The following CATSPERE variants were observed in gnomAD, a reference collection of about 807,000 sequenced individuals.
The protein encoded by CATSPERE is cation channel sperm-associated auxiliary subunit epsilon.
A neutral mutation model predicts 114.1 loss-of-function variants in CATSPERE; 93 were observed. The observed-to-expected ratio is 0.81, with a 90% CI of 0.69 to 0.97. CATSPERE has a LOEUF of 0.97. Among genes scored for constraint, CATSPERE ranks in the 50% least tolerant of loss-of-function variants. The pLI is 0.00. For synonymous variants in CATSPERE, 341 were observed against 384.1 expected (o/e 0.89, Z 1.31); for missense variants, 1,058 against 1,131.6 (o/e 0.93, Z 0.93).
intron 11 of CATSPERE, among the ~76,000 whole-genome samples, chr1:244,577,422 T>C (rs1189950894): frequency 6.6e-6 from 1 of 152,224 alleles, no homozygotes; most frequent in Admixed American, 6.5e-5. Context: ...AGAAACTGTT[T>C]GAAATCTATC....
At chr1:244,557,081 G>C (rs961220077) in intron 9 of CATSPERE, among the ~76,000 whole-genome samples, 1 of 152,082 alleles carries the variant, frequency 6.6e-6, no homozygotes, top group Non-Finnish European at 1.5e-5. Flanking sequence ...GTTGGCCTAT[G>C]TGTCTATTTT....
At chr1:244,515,473 TC>T in intron 7 of CATSPERE, 5 of 227,480 alleles carry the variant, frequency 2.2e-5, no homozygotes, top group Non-Finnish European at 3.6e-5. Context: ...TCTAATTAGA[TC>T]CTCAGATCTA....
chr1:244,483,210 C>T (rs1031753929), intron 5 of CATSPERE, among the ~76,000 whole-genome samples: 1 of 152,194 alleles, frequency 6.6e-6, no homozygotes, highest in Non-Finnish European at 1.5e-5. Flanking sequence ...TGAAGAACGT[C>T]AGGCCTCATT....
chr1:244,471,961 T>C (rs1668540083), intron 2 of CATSPERE, among the ~76,000 whole-genome samples: 1 of 152,172 alleles, frequency 6.6e-6, no homozygotes, highest in Non-Finnish European at 1.5e-5. Context: ...AGTTTTCTTC[T>C]TTTTCTTTTC....
At position 244,581,788 on chromosome 1, in the gene CATSPERE, T is replaced by C. The variant is rs1666217362; in HGVS notation, c.1951-8T>C. The C allele has an allele frequency of 2.3e-6, 3 of 1,277,328 alleles. No homozygotes were observed. The highest frequency in any genetic ancestry group is 3.3e-6 in the Non-Finnish European group (3 of 906,402). 79.1% of individuals were successfully genotyped at this position (1,277,328 alleles called of 1,614,324 possible). On this transcript the variant is annotated splice_polypyrimidine_tract_variant and splice_region_variant and intron_variant, in intron 11 of 21. Coordinates refer to ENST00000366534, the MANE Select transcript of CATSPERE (RefSeq NM_001130957.2). Reference sequence around the variant, plus strand: ...GCTTTACATAAATTTTAAATTTTCTTTTTTCAGACACTAACATTTTATCAG... The same window carrying C: ...GCTTTACATAAATTTTAAATTTTCTCTTTTCAGACACTAACATTTTATCAG...
chr1:244,591,628 T>G, intron 14 of CATSPERE, 53 bp from the exon 15 acceptor site: 1 of 1,079,834 alleles, frequency 9.3e-7, no homozygotes, highest in East Asian at 2.5e-5. Context: ...TAAATGTTTT[T>G]GCAAATATTT....
chr1:244,462,097 T>A (rs1424889871), intron 1 of CATSPERE, among the ~76,000 whole-genome samples: 1 of 152,152 alleles, frequency 6.6e-6, no homozygotes, highest in African/African-American at 2.4e-5. Flanking sequence ...AATTACAGAC[T>A]ATGAGCTCTG....
chr1:244,548,970 C>T (rs1023783238), intron 8 of CATSPERE, among the ~76,000 whole-genome samples: 4 of 152,182 alleles, frequency 2.6e-5, no homozygotes, highest in African/African-American at 4.8e-5. Context: ...CACCTCACCA[C>T]TTTGGGCTCC....
At chr1:244,572,881 A>T in intron 11 of CATSPERE, 109 bp downstream of exon 11, 1 of 747,358 alleles carries the variant, frequency 1.3e-6, no homozygotes, top group South Asian at 2.7e-5. Flanking sequence ...GAAAATGTTG[A>T]GGAATGTCTG....
chr1:244,605,649 CTA>C, intron 17 of CATSPERE, 44 bp from the exon 18 acceptor site: 1 of 1,328,616 alleles, frequency 7.5e-7, no homozygotes, highest in South Asian at 1.2e-5. Context: ...CTTAACCCCT[CTA>C]TTTTATATTA....
At chr1:244,615,714 A>C (rs1027555389) in intron 19 of CATSPERE, among the ~76,000 whole-genome samples, 1 of 152,116 alleles carries the variant, frequency 6.6e-6, no homozygotes, top group Non-Finnish European at 1.5e-5. Context: ...ATTGGAATGG[A>C]AGTAATAGTA....
chr1:244,576,323 T>C (rs1665261057), intron 11 of CATSPERE, among the ~76,000 whole-genome samples: 2 of 151,862 alleles, frequency 1.3e-5, no homozygotes, highest in Non-Finnish European at 2.9e-5. Context: ...TGTATCCCTG[T>C]ATGGGTCACC....
chr1:244,598,508 G>A (rs564915468), intron 17 of CATSPERE: 11 of 195,318 alleles, frequency 5.6e-5, no homozygotes, highest in Admixed American at 3.6e-4. Flanking sequence ...TGCTCCTTCC[G>A]TAGATGATGC....
chr1:244,530,499 T>C (rs1679415696), intron 8 of CATSPERE, among the ~76,000 whole-genome samples: 1 of 152,184 alleles, frequency 6.6e-6, no homozygotes, highest in Non-Finnish European at 1.5e-5. Context: ...TTGGCTATTC[T>C]GGGTCTTTGG....
chr1:244,574,679 G>T (rs1664973132), intron 11 of CATSPERE, among the ~76,000 whole-genome samples: 1 of 152,120 alleles, frequency 6.6e-6, no homozygotes, highest in Non-Finnish European at 1.5e-5. Flanking sequence ...TTGGCAGAGT[G>T]TTCAGTAAAT....
At chr1:244,621,807 T>G (rs1329275459) in intron 20 of CATSPERE, among the ~76,000 whole-genome samples, 1 of 152,152 alleles carries the variant, frequency 6.6e-6, no homozygotes, top group African/African-American at 2.4e-5. Context: ...ATGAAAAATA[T>G]AATCAGCTTA....
In CATSPERE at chr1:244,489,980, G is replaced by T. The variant is rs769198382; in HGVS notation, c.327-467G>T. On this transcript the variant is annotated intron_variant, in intron 5 of 21. Coordinates refer to ENST00000366534, the MANE Select transcript of CATSPERE (RefSeq NM_001130957.2). ...TATTAAGAAACCTCAACATTTAACA[G>T]GTTATTGTTGGCAGACGAGCATTCA... Among the ~76,000 whole-genome samples, 10 of 152,278 alleles carry T rather than the reference G, an allele frequency of 6.6e-5. No homozygotes were observed. In the East Asian group the frequency reaches 1.5e-3, roughly 24 times the overall value.
chr1:244,548,031 G>T (rs1660029518), intron 8 of CATSPERE, among the ~76,000 whole-genome samples: 1 of 152,216 alleles, frequency 6.6e-6, no homozygotes, highest in Non-Finnish European at 1.5e-5. Context: ...TACTTCAAAA[G>T]AACATGATTG....
intron 19 of CATSPERE, among the ~76,000 whole-genome samples, chr1:244,612,876 A>T (rs1475518182): frequency 6.6e-6 from 1 of 152,190 alleles, no homozygotes; most frequent in East Asian, 1.9e-4. Flanking sequence ...GGGCTTTCGC[A>T]TGAAAAAAGA....
Sources: gnomAD v4.1 joint callset for allele counts (sites outside exome capture counted in the v4.1 genomes callset) on GRCh38, gnomAD v4.1.1 for gene constraint, MANE v1.5 for transcripts, NCBI Gene and HGNC (gene_info 2026-07-23, HGNC 2026-07-21) for gene names.